Variants in ARHGAP22 observed in about 807,000 individuals in gnomAD.
The protein encoded by ARHGAP22 is Rho GTPase activating protein 22.
A neutral mutation model predicts 59.1 loss-of-function variants in ARHGAP22; 48 were observed. The observed-to-expected ratio is 0.81, with a 90% confidence interval of 0.64 to 1.03. ARHGAP22 has a LOEUF of 1.03. ARHGAP22 is among the 50% of genes least tolerant of loss of function. The pLI, the probability that ARHGAP22 is intolerant of heterozygous loss-of-function variation, is 0.00. For synonymous variants in ARHGAP22, 445 were observed against 416.4 expected (o/e 1.07, Z -0.84); for missense variants, 1,015 against 958.7 (o/e 1.06, Z -0.78).
chr10:48,559,086 G>A (rs770720374), intron 2 of ARHGAP22, among the ~76,000 whole-genome samples: 4 of 152,196 alleles, frequency 2.6e-5, no homozygotes, highest in Non-Finnish European at 5.9e-5. Flanking sequence ...CAACTATGAG[G>A]GTCCTGGGAA....
chr10:48,589,637 C>T lies in ARHGAP22; in HGVS notation c.35-6485G>A, dbSNP rs899190533. On this transcript the variant is annotated intron_variant, in intron 1 of 9. Transcript: ENST00000249601. ...GGACTTGTTCAGACAAATCCCTCCC[C>T]GTCAAGTCCTACAGTCCCTTAGTTT... Among the ~76,000 whole-genome samples the T allele has an allele frequency of 3.3e-5, 5 of 152,302 alleles. No individual in the cohort carries two copies. In the East Asian group the frequency reaches 5.8e-4, roughly 18 times the overall value.
At chr10:48,533,660 C>T (rs1220225452) in intron 3 of ARHGAP22, among the ~76,000 whole-genome samples, 1 of 152,242 alleles carries the variant, frequency 6.6e-6, no homozygotes, top group African/African-American at 2.4e-5. Context: ...TCTTTAGCAA[C>T]TACTCAGCTC....
intron 1 of ARHGAP22, among the ~76,000 whole-genome samples, chr10:48,645,925 T>A (rs951648871): frequency 7.9e-5 from 12 of 152,176 alleles, no homozygotes; most frequent in African/African-American, 2.9e-4. Flanking sequence ...TATTTGCAGA[T>A]GATATGATAC....
chr10:48,605,878 G>A (rs956138609), upstream of ARHGAP22, among the ~76,000 whole-genome samples: 1 of 152,198 alleles, frequency 6.6e-6, no homozygotes, highest in Middle Eastern at 3.4e-3. Flanking sequence ...ATACAGTACC[G>A]AGCAGCAGGG....
At chr10:48,536,204 C>T (rs768424088) in intron 3 of ARHGAP22, among the ~76,000 whole-genome samples, 13 of 152,264 alleles carry the variant, frequency 8.5e-5, no homozygotes, top group Non-Finnish European at 1.5e-4. Context: ...GACGAGGGCA[C>T]TGGGTTGCCC....
chr10:48,501,140 A>T (rs1483809282), intron 3 of ARHGAP22, among the ~76,000 whole-genome samples: 2 of 152,222 alleles, frequency 1.3e-5, no homozygotes, highest in African/African-American at 4.8e-5. Context: ...CTTTGCAGGT[A>T]TTAAAAAATG....
chr10:48,620,672 G>C (rs2061253863), intron 1 of ARHGAP22, among the ~76,000 whole-genome samples: 1 of 152,190 alleles, frequency 6.6e-6, no homozygotes, highest in Admixed American at 6.5e-5. Flanking sequence ...TCCAGCATGG[G>C]GAGATGAACT....
At chr10:48,500,648 G>A (rs765215922) in intron 3 of ARHGAP22, among the ~76,000 whole-genome samples, 9 of 152,120 alleles carry the variant, frequency 5.9e-5, no homozygotes, top group Non-Finnish European at 1.0e-4. Flanking sequence ...AGCACTTTGC[G>A]AGGCTGAGGT....
At chr10:48,543,081 G>T (rs891999688) in intron 3 of ARHGAP22, among the ~76,000 whole-genome samples, 2 of 152,116 alleles carry the variant, frequency 1.3e-5, no homozygotes, top group Non-Finnish European at 2.9e-5. Flanking sequence ...GTCTGTGAGG[G>T]TCTGTTCTCA....
intron 2 of ARHGAP22, among the ~76,000 whole-genome samples, chr10:48,558,121 C>T (rs989307639): frequency 6.6e-6 from 1 of 152,152 alleles, no homozygotes; most frequent in African/African-American, 2.4e-5. Context: ...TGCCCTCCCC[C>T]TCCATGGCCC....
At chr10:48,631,996 T>C (rs1348481210) in intron 1 of ARHGAP22, among the ~76,000 whole-genome samples, 1 of 152,236 alleles carries the variant, frequency 6.6e-6, no homozygotes, top group African/African-American at 2.4e-5. Context: ...TCAATACTTT[T>C]GGGGTACAGG....
intron 3 of ARHGAP22, among the ~76,000 whole-genome samples, chr10:48,505,602 C>A (rs186689099): frequency 7.0e-4 from 106 of 152,290 alleles, no homozygotes; most frequent in African/African-American, 2.5e-3. Flanking sequence ...TCCAGAACTC[C>A]TCCTTGTGGT....
intron 3 of ARHGAP22, among the ~76,000 whole-genome samples, chr10:48,513,411 G>A (rs2052988577): frequency 6.6e-6 from 1 of 152,248 alleles, no homozygotes. Flanking sequence ...GCACAAGCAG[G>A]AAGGGAAGAC....
chr10:48,495,983 TG>T (rs1248068630), intron 3 of ARHGAP22, among the ~76,000 whole-genome samples: 2 of 152,018 alleles, frequency 1.3e-5, no homozygotes, highest in Non-Finnish European at 2.9e-5. Context: ...CAGCTTGAAG[TG>T]GATCTCCCAT....
upstream of ARHGAP22, among the ~76,000 whole-genome samples, chr10:48,607,049 C>T (rs1309766243): frequency 6.6e-6 from 1 of 152,194 alleles, no homozygotes; most frequent in Non-Finnish European, 1.5e-5. Context: ...TAGAAAATCT[C>T]ATGTCGACAC....
At position 48,465,739 on chromosome 10, in the gene ARHGAP22, G is replaced by A. The variant is rs1160281681; in HGVS notation, c.452-5848C>T. 2.0e-5 allele frequency among the ~76,000 whole-genome samples: 3 copies of A among 152,204 alleles called. No homozygotes were observed. In the South Asian group the frequency reaches 6.2e-4, roughly 32 times the overall value. ...CGGGCAATGACATAGTCTGGGAAGA[G>A]GCACAATGAGGAAAGTAATTCTAAA... On this transcript the variant is annotated intron_variant, in intron 4 of 9. Transcript: ENST00000249601.
At chr10:48,524,113 C>A in intron 3 of ARHGAP22, 2 of 1,333,434 alleles carry the variant, frequency 1.5e-6, no homozygotes, top group Non-Finnish European at 1.9e-6. Context: ...ATGGCAGCCG[C>A]CCGCGGCCCC....
At chr10:48,462,530 G>A (rs1015204593) in intron 4 of ARHGAP22, among the ~76,000 whole-genome samples, 4 of 152,184 alleles carry the variant, frequency 2.6e-5, no homozygotes, top group Non-Finnish European at 5.9e-5. Flanking sequence ...AGGCAGTCTG[G>A]CTCCAGGTAT....
intron 1 of ARHGAP22, among the ~76,000 whole-genome samples, chr10:48,591,292 A>C (rs1284101297): frequency 6.6e-6 from 1 of 152,260 alleles, no homozygotes; most frequent in Non-Finnish European, 1.5e-5. Flanking sequence ...AAGTACCCAA[A>C]GGTTCATTCA....
Sources: gnomAD v4.1 joint callset for allele counts (sites outside exome capture counted in the v4.1 genomes callset) on GRCh38, gnomAD v4.1.1 for gene constraint, MANE v1.5 for transcripts, NCBI Gene and HGNC (gene_info 2026-07-23, HGNC 2026-07-21) for gene names.